The following TBC1D22A variants were observed in gnomAD, a reference collection of about 807,000 sequenced individuals.
TBC1D22A encodes the protein putative GTPase activator.
Under a neutral mutation model 60.2 loss-of-function variants are expected in TBC1D22A, and 38 were observed. The observed-to-expected ratio is 0.63, with a 90% CI of 0.49 to 0.83. TBC1D22A has a LOEUF of 0.83. Among genes scored for constraint, TBC1D22A ranks in the 40% least tolerant of loss-of-function variants. The pLI is 0.00. For synonymous variants in TBC1D22A, 302 were observed against 281.7 expected (o/e 1.07, Z -0.72); for missense variants, 628 against 701.0 (o/e 0.90, Z 1.18).
intron 10 of TBC1D22A, among the ~76,000 whole-genome samples, chr22:47,007,048 G>A (rs1180042056): frequency 6.6e-6 from 1 of 152,180 alleles, no homozygotes; most frequent in Non-Finnish European, 1.5e-5. Flanking sequence ...GCTCGATGGT[G>A]CGGTACACCT....
At chr22:46,957,552 C>T (rs1402082886) in intron 8 of TBC1D22A, among the ~76,000 whole-genome samples, 1 of 152,224 alleles carries the variant, frequency 6.6e-6, no homozygotes, top group Non-Finnish European at 1.5e-5. Context: ...ATTCAATCAC[C>T]TCCCTCCCTG....
At chr22:47,159,330 T>G (rs1010041218) in intron 12 of TBC1D22A, among the ~76,000 whole-genome samples, 1 of 119,334 alleles carries the variant, frequency 8.4e-6, no homozygotes, top group Non-Finnish European at 1.7e-5. Flanking sequence ...CACACATGTA[T>G]ACACACACAC....
At chr22:47,122,474 C>T (rs2066303978) in intron 12 of TBC1D22A, among the ~76,000 whole-genome samples, 2 of 152,170 alleles carry the variant, frequency 1.3e-5, no homozygotes, top group Non-Finnish European at 1.5e-5. Context: ...AGTCCGTGAC[C>T]TTTGAGCCCC....
intron 9 of TBC1D22A, among the ~76,000 whole-genome samples, chr22:46,993,889 A>G (rs1297491510): frequency 6.6e-6 from 1 of 152,094 alleles, no homozygotes; most frequent in Non-Finnish European, 1.5e-5. Flanking sequence ...CCGAGCCAGG[A>G]GCCAGGAGGG....
In TBC1D22A at chr22:46,762,863, G is replaced by T; in HGVS notation, c.62+15G>T. 1 of 1,469,866 alleles carries T rather than the reference G, an allele frequency of 6.8e-7. No homozygotes were observed. The highest frequency in any genetic ancestry group is 9.0e-7 in the Non-Finnish European group (1 of 1,116,530). 91.1% of individuals were successfully genotyped at this position (1,469,866 alleles called of 1,614,324 possible). A position where few individuals can be genotyped will look rare whatever the true frequency, so the allele number is the denominator to read the frequency against. ...CTCCCGGGCAGGTGGGTGTGCCGCG[G>T]AGGGCCAGGTCGGGGTCAGGGGTCA... is the stretch of plus-strand genomic sequence containing the variant. On this transcript the variant is annotated intron_variant, in intron 1 of 12. Coordinates refer to ENST00000337137, the MANE Select transcript of TBC1D22A (RefSeq NM_014346.5).
At chr22:46,984,332 C>T (rs1359045355) in intron 9 of TBC1D22A, among the ~76,000 whole-genome samples, 1 of 131,016 alleles carries the variant, frequency 7.6e-6, no homozygotes, top group Non-Finnish European at 1.6e-5. Context: ...GAGCCACTGC[C>T]CTCCAGCCGG....
chr22:46,896,948 T>TGGGACCC (rs1308115621), intron 7 of TBC1D22A, among the ~76,000 whole-genome samples: 1 of 152,168 alleles, frequency 6.6e-6, no homozygotes. Flanking sequence ...AAAGACAGTT[T>TGGGACCC]TTAGTTTGGG....
chr22:47,166,480 A>G (rs969520817), intron 12 of TBC1D22A, among the ~76,000 whole-genome samples: 8 of 152,268 alleles, frequency 5.3e-5, no homozygotes, highest in African/African-American at 1.9e-4. Context: ...ATAAATATTC[A>G]AAGTCTAGAG....
At chr22:47,169,993 T>A (rs577206476) in intron 12 of TBC1D22A, among the ~76,000 whole-genome samples, 1 of 152,362 alleles carries the variant, frequency 6.6e-6, no homozygotes, top group South Asian at 2.1e-4. Context: ...CCCCTCTGCC[T>A]GCCTGGTGTG....
intron 1 of TBC1D22A, among the ~76,000 whole-genome samples, chr22:46,783,702 C>T (rs801614): frequency 0.58 from 87,195 of 151,534 alleles, 25,134 homozygotes; most frequent in Middle Eastern, 0.66. Flanking sequence ...CTTCAGTGTT[C>T]TGTTGATGAC....
At chr22:46,903,601 A>T (rs2069169580) in intron 7 of TBC1D22A, among the ~76,000 whole-genome samples, 1 of 152,152 alleles carries the variant, frequency 6.6e-6, no homozygotes, top group Admixed American at 6.5e-5. Flanking sequence ...GGCCCTGTCC[A>T]GGGGCATGGG....
At chr22:46,968,195 G>A (rs991361433) in intron 8 of TBC1D22A, among the ~76,000 whole-genome samples, 2 of 152,190 alleles carry the variant, frequency 1.3e-5, no homozygotes, top group Admixed American at 6.5e-5. Flanking sequence ...GGGAGGCTCC[G>A]GCATGGATGC....
intron 12 of TBC1D22A, among the ~76,000 whole-genome samples, chr22:47,155,214 GAA>G (rs61662246): frequency 3.5e-4 from 51 of 146,184 alleles, no homozygotes; most frequent in African/African-American, 1.2e-3. Flanking sequence ...TCCTTTTTTG[GAA>G]AAAAAAAAAA....
At chr22:47,119,678 G>A (rs566812333) in intron 12 of TBC1D22A, among the ~76,000 whole-genome samples, 3 of 152,060 alleles carry the variant, frequency 2.0e-5, no homozygotes, top group Non-Finnish European at 4.4e-5. Flanking sequence ...TGTATTTTTA[G>A]TAGAGACAGG....
At chr22:46,989,342 G>T (rs1429240063) in intron 9 of TBC1D22A, among the ~76,000 whole-genome samples, 5 of 150,834 alleles carry the variant, frequency 3.3e-5, no homozygotes, top group African/African-American at 9.9e-5. Flanking sequence ...TCACAACCTG[G>T]CTGTTTGGCA....
chr22:47,051,730 G>A (rs992940459), intron 11 of TBC1D22A, among the ~76,000 whole-genome samples: 3 of 152,210 alleles, frequency 2.0e-5, no homozygotes, highest in Non-Finnish European at 4.4e-5. Context: ...GCAGCCCCAG[G>A]ACTGCTCCTC....
intron 8 of TBC1D22A, among the ~76,000 whole-genome samples, chr22:46,935,021 A>G (rs568884962): frequency 1.1e-4 from 17 of 152,258 alleles, no homozygotes; most frequent in African/African-American, 3.6e-4. Context: ...TTTCTGTTCA[A>G]TAGGGGCCTG....
chr22:46,829,172 C>G (rs1480334347), intron 4 of TBC1D22A, among the ~76,000 whole-genome samples: 1 of 152,184 alleles, frequency 6.6e-6, no homozygotes, highest in African/African-American at 2.4e-5. Context: ...TTTGACTCTT[C>G]TCTCTGTCCT....
chr22:46,953,070 C>T lies in TBC1D22A; in HGVS notation c.1016-21220C>T, dbSNP rs186611718. 1.9e-3 allele frequency among the ~76,000 whole-genome samples: 292 copies of T among 152,240 alleles called. 2 individuals are homozygous for T. The highest frequency in any genetic ancestry group is 6.6e-3 in the African/African-American group (276 of 41,540). On this transcript the variant is annotated intron_variant, in intron 8 of 12. Coordinates refer to ENST00000337137, the MANE Select transcript of TBC1D22A (RefSeq NM_014346.5). ...GTCACTGTGTGCAGCCCACACTGAA[C>T]GGGTGGGGGTCATACTTCACTTCCT... is the stretch of plus-strand genomic sequence containing the variant.
Sources: allele counts gnomAD v4.1 joint callset (sites outside exome capture counted in the v4.1 genomes callset), GRCh38; gene constraint gnomAD v4.1.1; transcripts MANE v1.5; gene names NCBI Gene and HGNC (gene_info 2026-07-23, HGNC 2026-07-21).